The following AGO3 variants were observed in gnomAD, a reference collection of about 807,000 sequenced individuals.
The protein encoded by AGO3 is argonaute RISC catalytic component 3.
In AGO3, 16 loss-of-function variants were observed where a neutral mutation model predicts 105.5. That is an observed-to-expected ratio of 0.15 (90% CI 0.10 to 0.23). AGO3 has a LOEUF of 0.23. Among genes scored for constraint, AGO3 ranks in the 10% least tolerant of loss-of-function variants. The pLI is 1.00. For synonymous variants in AGO3, 340 were observed against 367.3 expected (o/e 0.93, Z 0.85); for missense variants, 534 against 1,088.0 (o/e 0.49, Z 7.16).
intron 12 of AGO3, among the ~76,000 whole-genome samples, chr1:36,030,701 G>A (rs1348734081): frequency 3.9e-5 from 6 of 152,008 alleles, no homozygotes; most frequent in Non-Finnish European, 7.4e-5. Context: ...GGCTGGTCTC[G>A]AACTCCTGGC....
chr1:35,931,650 G>A (rs1215118511), intron 1 of AGO3, among the ~76,000 whole-genome samples: 2 of 152,264 alleles, frequency 1.3e-5, no homozygotes, highest in Non-Finnish European at 2.9e-5. Context: ...GAAACTGCGA[G>A]GCGGGGAAAC....
chr1:36,026,311 T>G (rs1288486196), intron 11 of AGO3, among the ~76,000 whole-genome samples: 2 of 152,152 alleles, frequency 1.3e-5, no homozygotes, highest in Non-Finnish European at 2.9e-5. Context: ...TTTCGCCATG[T>G]TGGCCAAGCT....
intron 5 of AGO3, among the ~76,000 whole-genome samples, chr1:35,989,379 C>T (rs756451522): frequency 2.0e-5 from 3 of 152,168 alleles, no homozygotes; most frequent in Non-Finnish European, 4.4e-5. Context: ...TTCAACATCT[C>T]TGAAATTGGG....
At chr1:35,961,590 C>T (rs1646678028) in intron 2 of AGO3, among the ~76,000 whole-genome samples, 2 of 152,242 alleles carry the variant, frequency 1.3e-5, no homozygotes, top group South Asian at 4.1e-4. Flanking sequence ...TAAGACTTTC[C>T]TATTCCAAAC....
intron 2 of AGO3, among the ~76,000 whole-genome samples, chr1:35,957,609 C>T (rs764310077): frequency 1.3e-5 from 2 of 150,582 alleles, no homozygotes; most frequent in Admixed American, 1.3e-4. Flanking sequence ...GCTTGTAATC[C>T]CAGCTACTCG....
intron 2 of AGO3, among the ~76,000 whole-genome samples, chr1:35,961,516 A>G (rs1646676667): frequency 6.6e-6 from 1 of 152,168 alleles, no homozygotes; most frequent in Non-Finnish European, 1.5e-5. Flanking sequence ...TTTTCACATG[A>G]CAATCTATCA....
chr1:36,030,984 T>C (rs1641748733), intron 12 of AGO3, among the ~76,000 whole-genome samples: 1 of 152,170 alleles, frequency 6.6e-6, no homozygotes, highest in African/African-American at 2.4e-5. Context: ...CTCCCAATTT[T>C]TCCCTTCTGT....
At chr1:36,043,626 G>A in intron 17 of AGO3, 78 bp downstream of exon 17, 1 of 1,233,308 alleles carries the variant, frequency 8.1e-7, no homozygotes, top group Non-Finnish European at 1.1e-6. Flanking sequence ...CTCAGAAAAA[G>A]GATAAAGAAA....
At chr1:35,947,103 A>T (rs1646380844) in intron 2 of AGO3, among the ~76,000 whole-genome samples, 1 of 151,828 alleles carries the variant, frequency 6.6e-6, no homozygotes, top group African/African-American at 2.4e-5. Flanking sequence ...ATATAATTTT[A>T]TTTATTTATT....
chr1:36,047,200 G>A (rs1294527351), intron 17 of AGO3, among the ~76,000 whole-genome samples: 3 of 151,756 alleles, frequency 2.0e-5, no homozygotes, highest in South Asian at 2.1e-4. Flanking sequence ...CCGAGATCAC[G>A]CCACTGCACT....
chr1:36,017,221 AC>A (rs1349078045), intron 11 of AGO3, among the ~76,000 whole-genome samples: 3 of 152,156 alleles, frequency 2.0e-5, no homozygotes, highest in Non-Finnish European at 4.4e-5. Flanking sequence ...CAGGAGAATA[AC>A]CCTAAGAGTT....
Position 36,055,669 on chromosome 1 carries a change from A to G in AGO3, c.2507A>G (p.Asn836Ser). The G allele has an allele frequency of 6.2e-7, 1 of 1,614,216 alleles. No homozygotes were observed. Among genetic ancestry groups the G allele is most frequent in the Admixed American group, 1.7e-5 (1 of 60,034 alleles). Residue 836 changes from asparagine (N) to serine (S), a missense_variant, in exon 19 of 19, where the codon AAT becomes AGT. Asn to Ser is a conservative substitution (Grantham distance 46, BLOSUM62 1). This residue lies in a region of AGO3 where 373 missense variants were observed against 854.0 expected (regional missense o/e 0.44). Coordinates refer to ENST00000373191, the MANE Select transcript of AGO3 (RefSeq NM_024852.4). The surrounding 1 kb of genome is among the most constrained non-coding windows in gnomAD (Gnocchi z 4.4). ...AEGSHVSGQS[N>S]GRDPQALAKA... ...GGAAGTCACGTTTCAGGACAAAGCA[A>G]TGGGCGAGATCCACAAGCTCTTGCC...
chr1:36,041,537 G>A (rs574596419), intron 16 of AGO3, among the ~76,000 whole-genome samples: 93 of 152,102 alleles, frequency 6.1e-4, no homozygotes, highest in African/African-American at 2.1e-3. Flanking sequence ...CACTGCGCCC[G>A]GCCAGAAATA....
chr1:35,978,474 G>A (rs999919555), intron 5 of AGO3, among the ~76,000 whole-genome samples: 12 of 152,162 alleles, frequency 7.9e-5, no homozygotes, highest in African/African-American at 2.7e-4. Context: ...TTACAGGCGT[G>A]AGCCACCGCA....
At chr1:36,003,572 T>G (rs991546387) in intron 5 of AGO3, among the ~76,000 whole-genome samples, 2 of 151,084 alleles carry the variant, frequency 1.3e-5, no homozygotes, top group Non-Finnish European at 2.9e-5. Flanking sequence ...TGCATGCCTG[T>G]AGTCCCAGCT....
intron 1 of AGO3, 31 bp downstream of exon 1, chr1:35,931,476 A>G: frequency 6.8e-7 from 1 of 1,471,102 alleles, no homozygotes; most frequent in South Asian, 1.4e-5. Flanking sequence ...CAGGTAGGGG[A>G]TGTCACCCAG....
intron 2 of AGO3, among the ~76,000 whole-genome samples, chr1:35,951,637 C>A (rs1646471595): frequency 1.3e-5 from 2 of 152,150 alleles, no homozygotes; most frequent in Admixed American, 1.3e-4. Flanking sequence ...CATCCACCCA[C>A]CTTGGCCTTT....
chr1:35,957,200 A>C (rs1237086622), intron 2 of AGO3, among the ~76,000 whole-genome samples: 1 of 150,942 alleles, frequency 6.6e-6, no homozygotes, highest in African/African-American at 2.4e-5. Context: ...AAATACAAAA[A>C]TTAGCTGGGC....
Position 36,072,477 on chromosome 1 carries a change from A to C in AGO3, c.*16732A>C, listed in dbSNP as rs957801373. The C allele has an allele frequency of 6.6e-6, 1 of 152,232 alleles. No homozygotes were observed. The highest frequency in any genetic ancestry group is 6.5e-5 in the Admixed American group (1 of 15,278). 9.4% of individuals were successfully genotyped at this position (152,232 alleles called of 1,614,324 possible). On this transcript the variant is annotated 3_prime_UTR_variant, in exon 19 of 19. Transcript: ENST00000373191. ...TATAACTTTCACTAATAACTGCAAT[A>C]AAAAGAAAAGCTTTGCTCTTAAACT...
Sources: gnomAD v4.1 joint callset for allele counts (sites outside exome capture counted in the v4.1 genomes callset) on GRCh38, gnomAD v4.1.1 for gene constraint, gnomAD v4.1.1 regional missense constraint, Gnocchi (gnomAD v3.1) non-coding constraint, MANE v1.5 for transcripts, NCBI Gene and HGNC (gene_info 2026-07-23, HGNC 2026-07-21) for gene names.